Variants in USP28 observed in about 807,000 individuals in gnomAD.
USP28 encodes the protein ubiquitin carboxyl-terminal hydrolase 28.
Under a neutral mutation model 145.0 loss-of-function variants are expected in USP28, and 113 were observed. The ratio of observed to expected loss-of-function variants is 0.78; its 90% CI spans 0.67 to 0.91. The LOEUF is 0.91. Among genes scored for constraint, USP28 ranks in the 40% least tolerant of loss-of-function variants. The probability of loss-of-function intolerance (pLI) is 0.00; values close to 1 mark genes in which losing one functional copy is unlikely to be tolerated. For synonymous variants in USP28, 447 were observed against 450.9 expected, an observed-to-expected ratio of 0.99 and a Z score of 0.11; for missense variants, 1,201 against 1,289.6, an observed-to-expected ratio of 0.93 and a Z score of 1.05.
At chr11:113,857,252 G>A (rs56879587) in intron 1 of USP28, among the ~76,000 whole-genome samples, 25,077 of 152,050 alleles carry the variant, frequency 0.16, 2,161 homozygotes, top group South Asian at 0.18. Flanking sequence ...ATATTTCTCG[G>A]CAACAAAACT....
chr11:113,845,281 A>T (rs916391741), intron 3 of USP28, among the ~76,000 whole-genome samples: 1 of 151,892 alleles, frequency 6.6e-6, no homozygotes, highest in South Asian at 2.1e-4. Flanking sequence ...TCTACTAAAA[A>T]TACAAAACTT....
chr11:113,833,945 C>T (rs778857449), intron 6 of USP28, among the ~76,000 whole-genome samples: 12 of 152,186 alleles, frequency 7.9e-5, no homozygotes, highest in Non-Finnish European at 1.8e-4. Context: ...GGGCATCTCT[C>T]CAGCATCACA....
chr11:113,840,826 G>A (rs1196713773), intron 4 of USP28, 69 bp from the exon 5 acceptor site: 15 of 1,512,814 alleles, frequency 9.9e-6, no homozygotes, highest in Non-Finnish European at 1.3e-5. Context: ...TATGGAGGAT[G>A]CTATAACTTT....
intron 11 of USP28, among the ~76,000 whole-genome samples, chr11:113,826,746 C>A (rs1349469311): frequency 6.6e-6 from 1 of 151,722 alleles, no homozygotes; most frequent in Non-Finnish European, 1.5e-5. Context: ...ATGGAGAAAC[C>A]CCGTCTCTAC....
Position 113,841,925 on chromosome 11 carries a change from C to A in USP28, c.269-157G>T, listed in dbSNP as rs539485822. The stretch of plus-strand genomic sequence containing the variant: ...CCCTACTGCATAGTCAAATGAGTAA[C>A]TTCGGCTACACTGTAACCTTAGACT... On this transcript the variant is annotated intron_variant, in intron 3 of 24. Transcript: ENST00000003302. Among the ~76,000 whole-genome samples, 5 of 152,300 alleles carry A rather than the reference C, an allele frequency of 3.3e-5. No homozygotes were observed. In the East Asian group the frequency reaches 9.6e-4, roughly 29 times the overall value.
chr11:113,831,842 A>G (rs2135959402), intron 8 of USP28, 78 bp downstream of exon 8: 1 of 1,401,844 alleles, frequency 7.1e-7, no homozygotes, highest in East Asian at 2.4e-5. Flanking sequence ...CTAGTTAAGG[A>G]GAGTAACTTT....
chr11:113,841,545 C>A, intron 4 of USP28, 118 bp downstream of exon 4: 1 of 638,578 alleles, frequency 1.6e-6, no homozygotes, highest in Non-Finnish European at 2.6e-6. Flanking sequence ...AAAATTTCTC[C>A]TAAAAGAAAT....
exon 1 of USP28, chr11:113,875,486 G>T: frequency 8.2e-7 from 1 of 1,216,610 alleles, no homozygotes; most frequent in Admixed American, 4.1e-5. Context: ...TCGTCCTGCT[G>T]CAGCTCCGCA....
At chr11:113,815,513 A>G in intron 13 of USP28, 131 bp from the exon 14 acceptor site, 2 of 781,720 alleles carry the variant, frequency 2.6e-6, no homozygotes, top group Non-Finnish European at 2.0e-6. Flanking sequence ...CTATAAAGGT[A>G]CAGAGCCAAC....
intron 14 of USP28, among the ~76,000 whole-genome samples, 197 bp downstream of exon 14, chr11:113,814,977 G>A (rs997756925): frequency 3.3e-5 from 5 of 151,912 alleles, no homozygotes; most frequent in African/African-American, 4.8e-5. Flanking sequence ...GCCTGAACCC[G>A]GAAGGCGGAG....
intron 17 of USP28, 26 bp from the exon 18 acceptor site, chr11:113,808,463 T>C (rs1591503617): frequency 1.2e-6 from 2 of 1,612,200 alleles, no homozygotes; most frequent in African/African-American, 2.7e-5. Flanking sequence ...ACAAAGGTCT[T>C]AGCATCTAAT....
At chr11:113,810,034 CAAAAAAAAAAAAAAA>C (rs368686301) in intron 16 of USP28, among the ~76,000 whole-genome samples, 26 of 68,988 alleles carry the variant, frequency 3.8e-4, no homozygotes, top group African/African-American at 1.4e-3. Flanking sequence ...GACTCCATCT[CAAAAAAAAAAAAAAA>C]AAAAAAAAGA....
intron 16 of USP28, among the ~76,000 whole-genome samples, chr11:113,810,569 T>C (rs773258282): frequency 6.6e-6 from 1 of 152,246 alleles, no homozygotes; most frequent in Non-Finnish European, 1.5e-5. Context: ...AGCATAAATA[T>C]ACAATTGTGA....
At chr11:113,819,073 C>T (rs557400695) in intron 12 of USP28, among the ~76,000 whole-genome samples, 1 of 150,958 alleles carries the variant, frequency 6.6e-6, no homozygotes, top group African/African-American at 2.4e-5. Flanking sequence ...AAAAATATAT[C>T]AAGGTTATCT....
chr11:113,840,718 CTT>C lies in USP28; in HGVS notation c.412_413del (p.Lys138GlufsTer5). On this transcript the variant is annotated frameshift_variant, in exon 5 of 25. Transcript: ENST00000003302. LOFTEE classifies it high-confidence loss of function. ...CTCCCCAGACTTCACAGCGTTTTCT[CTT>C]TGAGCGTTTAGTTTCTGCAGAGGTT... The C allele has an allele frequency of 1.2e-6, 2 of 1,614,204 alleles. No individual in the cohort carries two copies. Among genetic ancestry groups the C allele is most frequent in the Non-Finnish European group, 1.7e-6 (2 of 1,180,040 alleles).
At chr11:113,831,396 T>C (rs1273757094) in intron 8 of USP28, among the ~76,000 whole-genome samples, 1 of 152,212 alleles carries the variant, frequency 6.6e-6, no homozygotes, top group Non-Finnish European at 1.5e-5. Flanking sequence ...AATTGCTACG[T>C]TGAGTTGCCG....
At chr11:113,848,630 T>C (rs1400542069) in intron 3 of USP28, among the ~76,000 whole-genome samples, 3 of 152,180 alleles carry the variant, frequency 2.0e-5, no homozygotes, top group African/African-American at 7.2e-5. Flanking sequence ...ATAGGCGAGT[T>C]GTTATATCTG....
intron 12 of USP28, among the ~76,000 whole-genome samples, chr11:113,819,870 C>A (rs1049409103): frequency 3.9e-5 from 6 of 152,146 alleles, no homozygotes; most frequent in African/African-American, 1.4e-4. Flanking sequence ...CAGGCATGCG[C>A]CACCACGCTC....
intron 5 of USP28, 136 bp downstream of exon 5, chr11:113,840,462 A>G (rs1391927107): frequency 1.8e-6 from 2 of 1,133,390 alleles, no homozygotes; most frequent in Non-Finnish European, 2.4e-6. Flanking sequence ...CTAAATCCAT[A>G]CACAATAATG....
Sources: allele counts gnomAD v4.1 joint callset (sites outside exome capture counted in the v4.1 genomes callset), GRCh38; gene constraint gnomAD v4.1.1; transcripts MANE v1.5; gene names NCBI Gene and HGNC (gene_info 2026-07-23, HGNC 2026-07-21).